The following SMO variants were observed in gnomAD, a reference collection of about 807,000 sequenced individuals.
SMO encodes protein smoothened.
Under a neutral mutation model 81.6 loss-of-function variants are expected in SMO, and 40 were observed. The ratio of observed to expected loss-of-function variants is 0.49; its 90% CI spans 0.38 to 0.64. SMO has a LOEUF of 0.64. SMO is among the 30% of genes least tolerant of loss of function. The probability of loss-of-function intolerance (pLI) is 0.00; values close to 1 mark genes in which losing one functional copy is unlikely to be tolerated. For missense variants in SMO, 916 were observed against 1,061.1 expected, an observed-to-expected ratio of 0.86 and a Z score of 1.90; for synonymous variants, 434 against 432.1, an observed-to-expected ratio of 1.00 and a Z score of -0.05.
chr7:129,199,882 G>A (rs947653648), intron 1 of SMO, among the ~76,000 whole-genome samples: 3 of 152,132 alleles, frequency 2.0e-5, no homozygotes, highest in Non-Finnish European at 4.4e-5. Flanking sequence ...ATTTGAAAAT[G>A]TGATCTGTTA....
chr7:129,204,081 C>T (rs987311745), intron 2 of SMO, among the ~76,000 whole-genome samples: 1 of 152,118 alleles, frequency 6.6e-6, no homozygotes, highest in Non-Finnish European at 1.5e-5. Context: ...GCCTGTAATC[C>T]CAGCACTTTG....
At chr7:129,191,829 C>A (rs1793486276) in intron 1 of SMO, among the ~76,000 whole-genome samples, 1 of 152,094 alleles carries the variant, frequency 6.6e-6, no homozygotes, top group South Asian at 2.1e-4. Flanking sequence ...GAGTACACAG[C>A]CATGCTTCTA....
rs2150649686 is a variant in SMO at position 129,206,093 on chromosome 7, C to T, written c.921-57C>T. 2.2e-6 allele frequency: 3 copies of T among 1,364,216 alleles called. No individual in the cohort carries two copies. Among genetic ancestry groups the T allele is most frequent in the Non-Finnish European group, 3.1e-6 (3 of 982,270 alleles). The allele number at this position is 1,364,216 out of a possible 1,614,324, so 84.5% of individuals were successfully genotyped here. ...AGGGTCTGGGCACAGGGTGGGGAGACCAGGTAGAGGGAGTACAGAGTGACC... is the reference window on the plus strand; with the variant it reads ...AGGGTCTGGGCACAGGGTGGGGAGATCAGGTAGAGGGAGTACAGAGTGACC... On this transcript the variant is annotated intron_variant, in intron 4 of 11. Transcript: ENST00000249373. This position sits in a 1 kb window ranked among gnomAD's most constrained non-coding sequence, Gnocchi z 4.4.
intron 1 of SMO, among the ~76,000 whole-genome samples, chr7:129,200,050 C>A (rs1014964573): frequency 3.3e-5 from 5 of 152,076 alleles, no homozygotes; most frequent in African/African-American, 9.7e-5. Flanking sequence ...TTTCTGAAGT[C>A]TTTTGTTTAA....
Position 129,199,182 on chromosome 7 carries a change from C to CTTTTT in SMO, c.332-4189_332-4185dup, listed in dbSNP as rs71526090. On this transcript the variant is annotated intron_variant, in intron 1 of 11. Transcript: ENST00000249373. ...TCTTTATAGTACGGTATTTTCTTTT[C>CTTTTT]TTTTTTTTTTTTTTTTTGAGATAGA... is the stretch of plus-strand genomic sequence containing the variant. Among the ~76,000 whole-genome samples the CTTTTT allele has an allele frequency of 1.1e-4, 14 of 126,614 alleles. 1 individual carries two copies. Among genetic ancestry groups the CTTTTT allele is most frequent in the Non-Finnish European group, 1.8e-4 (11 of 61,742 alleles). 83.1% of individuals were successfully genotyped at this position (126,614 alleles called of 152,430 possible).
intron 1 of SMO, among the ~76,000 whole-genome samples, chr7:129,191,740 G>T (rs559600615): frequency 6.6e-6 from 1 of 152,254 alleles, no homozygotes; most frequent in African/African-American, 2.4e-5. Context: ...AAGGATGAAG[G>T]TGATCTAGGT....
rs540755083 is a variant in SMO, at chr7:129,206,830, C to T, written c.1264+243C>T. ...CTCTCCAGGGCCTTGGCCCAGGGCT[C>T]ACAGCTTGTTTTTTTTGTTTGTTTT... is the stretch of plus-strand genomic sequence containing the variant. On this transcript the variant is annotated intron_variant, in intron 6 of 11. Coordinates refer to ENST00000249373, the MANE Select transcript of SMO (RefSeq NM_005631.5). This position sits in a 1 kb window ranked among gnomAD's most constrained non-coding sequence, Gnocchi z 4.4. Among the ~76,000 whole-genome samples the T allele has an allele frequency of 0.016, 1,578 of 101,586 alleles. 29 individuals are homozygous for T. Among genetic ancestry groups the T allele is most frequent in the African/African-American group, 0.049 (1,463 of 29,678 alleles). The allele number at this position is 101,586 out of a possible 152,430, so 66.6% of individuals were successfully genotyped here.
chr7:129,197,185 G>A (rs1225648225), intron 1 of SMO, among the ~76,000 whole-genome samples: 1 of 151,840 alleles, frequency 6.6e-6, no homozygotes, highest in African/African-American at 2.4e-5. Flanking sequence ...TTCTTTCCAA[G>A]TCTTATACCT....
chr7:129,203,311 G>A, intron 1 of SMO, 73 bp from the exon 2 acceptor site: 1 of 1,176,174 alleles, frequency 8.5e-7, no homozygotes. Flanking sequence ...AAGGCCTGGA[G>A]GACAGGGGTG....
At chr7:129,203,823 A>C (rs1793713080) in intron 2 of SMO, among the ~76,000 whole-genome samples, 1 of 152,138 alleles carries the variant, frequency 6.6e-6, no homozygotes, top group South Asian at 2.1e-4. Flanking sequence ...TGTTTTGAGC[A>C]CTGGCTGTTG....
In SMO at chr7:129,211,278, C is replaced by T; in HGVS notation, c.1801+165C>T. 1 of 820,664 alleles carries T rather than the reference C, an allele frequency of 1.2e-6. No individual in the cohort carries two copies. Among genetic ancestry groups the T allele is most frequent in the Admixed American group, 2.0e-5 (1 of 49,532 alleles). The allele number at this position is 820,664 out of a possible 1,614,324, so 50.8% of individuals were successfully genotyped here. A position where few individuals can be genotyped will look rare whatever the true frequency, so the allele number is the denominator to read the frequency against. On this transcript the variant is annotated intron_variant, in intron 10 of 11. Transcript: ENST00000249373. The surrounding 1 kb of genome is among the most constrained non-coding windows in gnomAD (Gnocchi z 4.6). ...CCCATTCTTCCCCCGGCCCCTCCTA[C>T]CCTCTGGGGGGCTCTCCCCTCTCTG...
chr7:129,193,785 A>AAAAAAAATATAT (rs1563145734), intron 1 of SMO, among the ~76,000 whole-genome samples: 1 of 26,354 alleles, frequency 3.8e-5, no homozygotes, highest in Non-Finnish European at 6.3e-5. Flanking sequence ...AAAAAAAAAA[A>AAAAAAAATATAT]ATATATATAT....
rs118109289 is a variant in SMO at position 129,200,159 on chromosome 7, C to T, written c.332-3225C>T. Among the ~76,000 whole-genome samples the T allele has an allele frequency of 5.0e-3, 756 of 152,278 alleles. 6 individuals are homozygous for T. The highest frequency in any genetic ancestry group is 7.1e-3 in the Non-Finnish European group (480 of 68,030). Reference sequence around the variant, plus strand: ...TTTCCTGGCCAGGCGTGGTGGCTCACGCCGTAATCCCACTTTGGGAGACCG... The same window carrying T: ...TTTCCTGGCCAGGCGTGGTGGCTCATGCCGTAATCCCACTTTGGGAGACCG... On this transcript the variant is annotated intron_variant, in intron 1 of 11. Coordinates refer to ENST00000249373, the MANE Select transcript of SMO (RefSeq NM_005631.5).
intron 1 of SMO, among the ~76,000 whole-genome samples, chr7:129,191,574 T>C (rs1359439443): frequency 6.6e-6 from 1 of 152,120 alleles, no homozygotes; most frequent in Non-Finnish European, 1.5e-5. Context: ...AGCTGGGTAA[T>C]GAGTAGGTAG....
Position 129,189,219 on chromosome 7 carries a change from T to A in SMO, c.68T>A (p.Leu23Gln). The A allele has an allele frequency of 8.7e-7, 1 of 1,144,450 alleles. No individual in the cohort carries two copies. The highest frequency in any genetic ancestry group is 1.1e-6 in the Non-Finnish European group (1 of 912,118). 70.9% of individuals were successfully genotyped at this position (1,144,450 alleles called of 1,614,324 possible). A position where few individuals can be genotyped will look rare whatever the true frequency, so the allele number is the denominator to read the frequency against. ...CTGGGGCTGCTGCTGCTGCTGCTGC[T>A]GGGGGACCCGGGCCGGGGGGCGGCC... Reference protein sequence around the residue: ...PLLGLLLLLLLGDPGRGAASS... With the variant: ...PLLGLLLLLLQGDPGRGAASS... Residue 23 changes from leucine to glutamine, a missense_variant, in exon 1 of 12, where the codon CTG becomes CAG. Around this residue, in one of 4 missense-constraint regions of SMO, gnomAD observed 146 missense variants for 149.9 expected, o/e 0.97. Coordinates refer to ENST00000249373, the MANE Select transcript of SMO (RefSeq NM_005631.5). This position sits in a 1 kb window ranked among gnomAD's most constrained non-coding sequence, Gnocchi z 4.7.
At position 129,203,480 on chromosome 7, in the gene SMO, G is replaced by A. The variant is rs763536048; in HGVS notation, c.428G>A (p.Ser143Asn). The A allele has an allele frequency of 1.9e-6, 3 of 1,596,266 alleles. No individual in the cohort carries two copies. Among genetic ancestry groups the A allele is most frequent in the African/African-American group, 2.7e-5 (2 of 74,674 alleles). Residue 143 changes from serine (S) to asparagine (N), a missense_variant, in exon 2 of 12, where the codon AGC becomes AAC. Physicochemically the swap from Ser to Asn is conservative, Grantham distance 46. Coordinates refer to ENST00000249373, the MANE Select transcript of SMO (RefSeq NM_005631.5). ...GAGAATGACCGGGTGGAGCTGCCCAGCCGTACCCTCTGCCAGGCCACCCGA... is the reference window on the plus strand; with the variant it reads ...GAGAATGACCGGGTGGAGCTGCCCAACCGTACCCTCTGCCAGGCCACCCGA... Reference protein sequence around the residue: ...KCENDRVELPSRTLCQATRGP... With the variant: ...KCENDRVELPNRTLCQATRGP...
Position 129,210,468 on chromosome 7 carries a change from C to T in SMO, c.1572C>T (p.Ala524=), listed in dbSNP as rs2150653869. ...TGGTGGAGAAGATCAACCTGTTTGC[C>T]ATGTTTGGAACTGGCATCGCCATGA... is the stretch of plus-strand genomic sequence containing the variant. ...SLLVEKINLF[A]MFGTGIAMST... The change falls in exon 9 of 12, where the codon GCC becomes GCT. Residue 524 remains alanine, a synonymous_variant. Transcript: ENST00000249373. This position sits in a 1 kb window ranked among gnomAD's most constrained non-coding sequence, Gnocchi z 4.7. 1 of 1,614,172 alleles carries T rather than the reference C, an allele frequency of 6.2e-7. No individual in the cohort carries two copies. Among genetic ancestry groups the T allele is most frequent in the Non-Finnish European group, 8.5e-7 (1 of 1,180,006 alleles).
intron 1 of SMO, among the ~76,000 whole-genome samples, chr7:129,201,543 T>C (rs948693887): frequency 2.6e-5 from 4 of 152,196 alleles, no homozygotes; most frequent in African/African-American, 9.6e-5. Flanking sequence ...AATCGTCCTT[T>C]AACCCCCATA....
At chr7:129,199,942 G>A (rs2150644718) in intron 1 of SMO, among the ~76,000 whole-genome samples, 1 of 152,206 alleles carries the variant, frequency 6.6e-6, no homozygotes, top group Middle Eastern at 3.4e-3. Context: ...TTACTGATTT[G>A]GAGGAGCTTT....
Sources: gnomAD v4.1 joint callset for allele counts (sites outside exome capture counted in the v4.1 genomes callset) on GRCh38, gnomAD v4.1.1 for gene constraint, gnomAD v4.1.1 regional missense constraint, Gnocchi (gnomAD v3.1) non-coding constraint, MANE v1.5 for transcripts, NCBI Gene and HGNC (gene_info 2026-07-23, HGNC 2026-07-21) for gene names.